Variants in UBN1 observed in about 807,000 individuals in gnomAD.
The protein encoded by UBN1 is ubinuclein 1.
In UBN1, 17 loss-of-function variants were observed where a neutral mutation model predicts 108.5. That is an observed-to-expected ratio of 0.16 (90% CI 0.11 to 0.24). UBN1 has a LOEUF of 0.24. Ranked by LOEUF, UBN1 falls within the 10% of genes least tolerant of loss-of-function variation. The probability of loss-of-function intolerance (pLI) is 1.00; values close to 1 mark genes in which losing one functional copy is unlikely to be tolerated. For missense variants in UBN1, 1,595 were observed against 1,394.4 expected, an observed-to-expected ratio of 1.14 and a Z score of -2.29; for synonymous variants, 726 against 564.2, an observed-to-expected ratio of 1.29 and a Z score of -4.07.
At position 4,859,776 on chromosome 16, in the gene UBN1, G is replaced by A. The variant is rs80321062; in HGVS notation, c.568-89G>A. On this transcript the variant is annotated intron_variant, in intron 5 of 17. Transcript: ENST00000262376. ...GGAAATGAGACAGGTCTCAGGATGT[G>A]CCCCGGGCGGAGCAAGGCCAGTGCC... 5.7e-6 allele frequency: 9 copies of A among 1,569,946 alleles called. No homozygotes were observed. In the African/African-American group the frequency reaches 9.6e-5, roughly 17 times the overall value.
intron 17 of UBN1, among the ~76,000 whole-genome samples, chr16:4,878,570 C>G (rs1473189104): frequency 6.6e-6 from 1 of 152,204 alleles, no homozygotes; most frequent in Non-Finnish European, 1.5e-5. Flanking sequence ...GCACTAGTGA[C>G]TCCTCCTTTC....
chr16:4,863,615 TC>T (rs562736874), intron 7 of UBN1, among the ~76,000 whole-genome samples: 1 of 151,910 alleles, frequency 6.6e-6, no homozygotes, highest in Admixed American at 6.6e-5. Context: ...CCCCTAATTT[TC>T]CCCCCCTTTT....
intron 7 of UBN1, 102 bp from the exon 8 acceptor site, chr16:4,868,731 A>T (rs56159834): frequency 0.15 from 167,691 of 1,117,560 alleles, 13,841 homozygotes; most frequent in South Asian, 0.26. Context: ...GACTGTATTG[A>T]CAGGTGCTCT....
At chr16:4,861,184 C>A (rs931157893) in intron 7 of UBN1, 82 bp downstream of exon 7, 2 of 1,434,002 alleles carry the variant, frequency 1.4e-6, no homozygotes, top group South Asian at 1.4e-5. Context: ...TGAAGCTTGC[C>A]CAGAGAAACT....
At chr16:4,872,139 T>C (rs1327616457) in intron 12 of UBN1, 4 of 956,326 alleles carry the variant, frequency 4.2e-6, no homozygotes, top group Non-Finnish European at 5.0e-6. Flanking sequence ...AATCATCTGT[T>C]GTGCGGATAG....
At position 4,853,136 on chromosome 16, in the gene UBN1, G is replaced by C. The variant is rs150284089; in HGVS notation, c.219G>C (p.Gly73=). ...FYPELVKNIR[G]KVKGLQPGDK... ...CAGAGCTGGTGAAGAATATCCGAGG[G>C]AAGGTAAAAGGCCTTCAGCCTGGAG... The change falls in exon 2 of 18, where the codon GGG becomes GGC. Residue 73 remains glycine, a synonymous_variant. Coordinates refer to ENST00000262376, the MANE Select transcript of UBN1 (RefSeq NM_001079514.3). 8.1e-6 allele frequency: 13 copies of C among 1,614,224 alleles called. No individual in the cohort carries two copies. In the South Asian group the frequency reaches 9.9e-5, roughly 12 times the overall value.
Position 4,861,085 on chromosome 16 carries a change from G to C in UBN1, c.1093G>C (p.Val365Leu), listed in dbSNP as rs755558783. Residue 365 changes from valine (V) to leucine (L), a missense_variant, in exon 7 of 18, where the codon GTT becomes CTT. Physicochemically the swap from Val to Leu is conservative, Grantham distance 32. Transcript: ENST00000262376. ...CCTGCCAGCACCCCTGGAGAAGCGC[G>C]TTAAGGAGCTGGCTCAGGTATGGTG... Reference protein sequence around the residue: ...EGLPAPLEKRVKELAQAARAA... With the variant: ...EGLPAPLEKRLKELAQAARAA... 6.2e-7 allele frequency: 1 copy of C among 1,613,158 alleles called. No individual in the cohort carries two copies. The highest frequency in any genetic ancestry group is 8.5e-7 in the Non-Finnish European group (1 of 1,179,712).
In UBN1 at chr16:4,871,094, T is replaced by C. The variant is rs780785686; in HGVS notation, c.1560-61T>C. 8.4e-5 allele frequency: 135 copies of C among 1,608,062 alleles called. 1 individual carries two copies. The highest frequency in any genetic ancestry group is 1.1e-4 in the Non-Finnish European group (125 of 1,177,046). ...CATCAGGGCTGCTGAAAGCACATGA[T>C]TGGAACCTTGGAGCAGCATCTGAAG... On this transcript the variant is annotated intron_variant, in intron 11 of 17. Transcript: ENST00000262376.
chr16:4,852,870 T>C lies in UBN1; in HGVS notation c.-39-9T>C. ...CGTTTGACCTGGCCCTTCTTTTCAATGTTAACAGAAGCCATGCAGTGACAC... is the reference window on the plus strand; with the variant it reads ...CGTTTGACCTGGCCCTTCTTTTCAACGTTAACAGAAGCCATGCAGTGACAC... On this transcript the variant is annotated splice_polypyrimidine_tract_variant and intron_variant, in intron 1 of 17. Transcript: ENST00000262376. The C allele has an allele frequency of 6.4e-7, 1 of 1,562,800 alleles. No homozygotes were observed. Among genetic ancestry groups the C allele is most frequent in the Non-Finnish European group, 8.7e-7 (1 of 1,152,834 alleles).
chr16:4,853,263 A>G (rs576493423), intron 2 of UBN1, 97 bp downstream of exon 2: 1 of 1,490,776 alleles, frequency 6.7e-7, no homozygotes, highest in African/African-American at 1.4e-5. Context: ...GACTTAACTG[A>G]GGTTTTGGCT....
rs34192021 is a variant in UBN1, at chr16:4,877,798, T to TAA, written c.3355+338_3355+339dup. The TAA allele has an allele frequency of 1.2e-4, 115 of 964,538 alleles. No individual in the cohort carries two copies. The highest frequency in any genetic ancestry group is 1.5e-4 in the African/African-American group (8 of 54,276). 59.7% of individuals were successfully genotyped at this position (964,538 alleles called of 1,614,324 possible). On this transcript the variant is annotated intron_variant, in intron 17 of 17. Coordinates refer to ENST00000262376, the MANE Select transcript of UBN1 (RefSeq NM_001079514.3). This position sits in a 1 kb window ranked among gnomAD's most constrained non-coding sequence, Gnocchi z 4.3. ...TCGGCTTGTTTTTTTCTCTTCAGTT[T>TAA]AAAAAAAAAAAAAAAGGGAAGGTAA...
intron 7 of UBN1, among the ~76,000 whole-genome samples, chr16:4,861,578 G>A (rs1393349729): frequency 6.6e-6 from 1 of 152,240 alleles, no homozygotes; most frequent in Non-Finnish European, 1.5e-5. Flanking sequence ...GTTAGGTAGT[G>A]ATTACAGGAA....
intron 1 of UBN1, among the ~76,000 whole-genome samples, chr16:4,851,380 G>A (rs1483481372): frequency 1.3e-5 from 2 of 152,162 alleles, no homozygotes; most frequent in Non-Finnish European, 2.9e-5. Flanking sequence ...AGCTTGGGAG[G>A]TTGAGGCCTC....
At chr16:4,859,717 T>G in intron 5 of UBN1, 148 bp from the exon 6 acceptor site, 1 of 1,371,372 alleles carries the variant, frequency 7.3e-7, no homozygotes, top group South Asian at 1.5e-5. Context: ...GGGTTTGTGG[T>G]CCAGGGACTG....
chr16:4,870,221 G>A lies in UBN1; in HGVS notation c.1191G>A (p.Ala397=), dbSNP rs372644230. The A allele has an allele frequency of 8.8e-5, 142 of 1,614,236 alleles. No homozygotes were observed. Among genetic ancestry groups the A allele is most frequent in the East Asian group, 6.7e-4 (30 of 44,890 alleles). ...DINGILLDIE[A]QTRELSSQVR... ...GTGTTTTGTTCTTCAGCATAGAGGC[G>A]CAGACTCGGGAGCTGAGCAGTCAGG... Residue 397 remains alanine, a synonymous_variant, in exon 9 of 18, where the codon GCG becomes GCA. Coordinates refer to ENST00000262376, the MANE Select transcript of UBN1 (RefSeq NM_001079514.3).
At chr16:4,869,007 G>C (rs2087475258) in intron 8 of UBN1, 104 bp downstream of exon 8, 2 of 1,120,318 alleles carry the variant, frequency 1.8e-6, no homozygotes, top group Non-Finnish European at 2.6e-6. Flanking sequence ...CTGCATAAAG[G>C]TGACCACCAA....
rs2087568258 is a variant in UBN1, at chr16:4,870,406, A to G, written c.1311+65A>G. ...CTGGCGGAGGGGTGACTGAGTCTTA[A>G]GCAATGATGCGTCTGCTGCCCCACT... On this transcript the variant is annotated intron_variant, in intron 9 of 17. Transcript: ENST00000262376. 37 of 1,610,222 alleles carry G rather than the reference A, an allele frequency of 2.3e-5. No homozygotes were observed. The South Asian group carries it at 3.5e-4, about 15-fold the overall frequency.
intron 1 of UBN1, among the ~76,000 whole-genome samples, chr16:4,849,399 CATT>C (rs971783330): frequency 1.3e-5 from 2 of 151,946 alleles, no homozygotes; most frequent in Non-Finnish European, 2.9e-5. Context: ...GAAGGGTACT[CATT>C]ATAAGTTGGA....
In UBN1 at chr16:4,858,127, T is replaced by G; in HGVS notation, c.336+51T>G. 6 of 1,193,862 alleles carry G rather than the reference T, an allele frequency of 5.0e-6. No homozygotes were observed. The Middle Eastern group carries it at 9.5e-4, about 189-fold the overall frequency. 74.0% of individuals were successfully genotyped at this position (1,193,862 alleles called of 1,614,324 possible). ...AACAACCTCATTGGGTGGGAGACGT[T>G]TCCACACTGTATTCCTTTAGTGGAT... On this transcript the variant is annotated intron_variant, in intron 3 of 17. Coordinates refer to ENST00000262376, the MANE Select transcript of UBN1 (RefSeq NM_001079514.3).
Sources: gnomAD v4.1 joint callset for allele counts (sites outside exome capture counted in the v4.1 genomes callset) on GRCh38, gnomAD v4.1.1 for gene constraint, Gnocchi (gnomAD v3.1) non-coding constraint, MANE v1.5 for transcripts, NCBI Gene and HGNC (gene_info 2026-07-23, HGNC 2026-07-21) for gene names.